The following STXBP6 variants were observed in gnomAD, a reference collection of about 807,000 sequenced individuals.
STXBP6 encodes the protein syntaxin binding protein 6.
A neutral mutation model predicts 26.9 loss-of-function variants in STXBP6; 21 were observed. The ratio of observed to expected loss-of-function variants is 0.78; its 90% CI spans 0.55 to 1.12. The LOEUF is 1.12. Among genes scored for constraint, STXBP6 ranks in the 50% most tolerant of loss-of-function variants. The probability of loss-of-function intolerance (pLI) is 0.00; values close to 1 mark genes in which losing one functional copy is unlikely to be tolerated. For missense variants in STXBP6, 232 were observed against 257.9 expected, an observed-to-expected ratio of 0.90 and a Z score of 0.69; for synonymous variants, 97 against 92.6, an observed-to-expected ratio of 1.05 and a Z score of -0.27.
intron 2 of STXBP6, among the ~76,000 whole-genome samples, chr14:24,922,104 C>A (rs775830633): frequency 2.0e-5 from 3 of 152,122 alleles, no homozygotes; most frequent in Non-Finnish European, 4.4e-5. Context: ...TCAGCAGCCA[C>A]TTCCCTAGAA....
intron 2 of STXBP6, among the ~76,000 whole-genome samples, chr14:24,947,613 T>C (rs2073033929): frequency 6.6e-6 from 1 of 152,184 alleles, no homozygotes; most frequent in African/African-American, 2.4e-5. Flanking sequence ...GCTTAGACAC[T>C]AAGCGTTCTT....
At chr14:24,971,557 C>G (rs964305581) in intron 2 of STXBP6, among the ~76,000 whole-genome samples, 1 of 148,190 alleles carries the variant, frequency 6.7e-6, no homozygotes, top group Non-Finnish European at 1.5e-5. Context: ...ACTTCACAGA[C>G]TCCTATGAGA....
At chr14:24,999,791 G>A (rs1396761056) in intron 1 of STXBP6, among the ~76,000 whole-genome samples, 3 of 152,180 alleles carry the variant, frequency 2.0e-5, no homozygotes, top group South Asian at 2.1e-4. Context: ...AAGCCCAGAG[G>A]GGAGACAAAA....
Position 25,049,518 on chromosome 14 carries a change from C to A in STXBP6, c.-33+360G>T, listed in dbSNP as rs551300732. The stretch of plus-strand genomic sequence containing the variant: ...GAGCCTCGGGGCAGCATTCTCGGGG[C>A]CCATGCCATCGCGGGGACGGTGCGG... On this transcript the variant is annotated intron_variant, in intron 1 of 5. Transcript: ENST00000323944. The surrounding 1 kb of genome is among the most constrained non-coding windows in gnomAD (Gnocchi z 5.6). 9 of 985,538 alleles carry A rather than the reference C, an allele frequency of 9.1e-6. No individual in the cohort carries two copies. The African/African-American group carries it at 1.6e-4, about 17-fold the overall frequency. 61.0% of individuals were successfully genotyped at this position (985,538 alleles called of 1,614,324 possible).
intron 2 of STXBP6, among the ~76,000 whole-genome samples, chr14:24,890,230 A>G (rs2070741496): frequency 6.6e-6 from 1 of 152,238 alleles, no homozygotes; most frequent in East Asian, 1.9e-4. Context: ...CAGAACAGAA[A>G]GAAGTAAAGT....
chr14:24,852,385 C>T (rs1293933010), intron 4 of STXBP6, among the ~76,000 whole-genome samples: 1 of 152,136 alleles, frequency 6.6e-6, no homozygotes, highest in Non-Finnish European at 1.5e-5. Flanking sequence ...CTTTGTAACA[C>T]TGACTTCCAT....
At chr14:24,991,669 G>A (rs1000066801) in intron 1 of STXBP6, among the ~76,000 whole-genome samples, 5 of 152,148 alleles carry the variant, frequency 3.3e-5, no homozygotes, top group Admixed American at 1.3e-4. Context: ...CCAATTCAAG[G>A]TTATGATTCC....
intron 4 of STXBP6, among the ~76,000 whole-genome samples, chr14:24,827,575 A>G (rs2068324377): frequency 6.6e-6 from 1 of 152,174 alleles, no homozygotes; most frequent in Admixed American, 6.5e-5. Flanking sequence ...ATGCTCATGG[A>G]ATCCAGGACA....
At chr14:25,028,438 A>G (rs1431553354) in intron 1 of STXBP6, among the ~76,000 whole-genome samples, 1 of 152,180 alleles carries the variant, frequency 6.6e-6, no homozygotes, top group Non-Finnish European at 1.5e-5. Context: ...CAAAGCCTAG[A>G]TGACACCACA....
chr14:24,845,731 G>GT (rs1158924473), intron 4 of STXBP6, among the ~76,000 whole-genome samples: 6 of 152,166 alleles, frequency 3.9e-5, no homozygotes, highest in African/African-American at 1.4e-4. Context: ...GCTGTGCATG[G>GT]TAAGAGGGAC....
chr14:24,872,739 T>C (rs2069983862), intron 2 of STXBP6, among the ~76,000 whole-genome samples: 1 of 152,208 alleles, frequency 6.6e-6, no homozygotes. Context: ...TAGATCCTTA[T>C]AGTTAGAACT....
At chr14:25,005,650 A>G (rs1278876895) in intron 1 of STXBP6, among the ~76,000 whole-genome samples, 2 of 152,246 alleles carry the variant, frequency 1.3e-5, no homozygotes, top group Non-Finnish European at 2.9e-5. Context: ...ACTTTTGTGG[A>G]GTCAAATTTG....
Position 24,819,609 on chromosome 14 carries a change from C to T in STXBP6, c.452-415G>A, listed in dbSNP as rs2068081962. ...TGGATCTTATGTTATTTCCTTTTGA[C>T]CTGTGGTTTCGGTGAATAACCATAG... On this transcript the variant is annotated intron_variant, in intron 4 of 5. Transcript: ENST00000323944. The T allele has an allele frequency of 1.1e-5, 4 of 371,564 alleles. No homozygotes were observed. In the East Asian group the frequency reaches 1.7e-4, roughly 16 times the overall value. 23.0% of individuals were successfully genotyped at this position (371,564 alleles called of 1,614,324 possible). A position where few individuals can be genotyped will look rare whatever the true frequency, so the allele number is the denominator to read the frequency against.
At chr14:24,918,477 C>G (rs1414324417) in intron 2 of STXBP6, among the ~76,000 whole-genome samples, 1 of 141,630 alleles carries the variant, frequency 7.1e-6, no homozygotes, top group Non-Finnish European at 1.5e-5. Flanking sequence ...CACACACACA[C>G]ACACACACAC....
chr14:24,959,865 A>G (rs961140273), intron 2 of STXBP6, among the ~76,000 whole-genome samples: 3 of 152,214 alleles, frequency 2.0e-5, no homozygotes, highest in African/African-American at 7.2e-5. Context: ...CCCTTTTTTA[A>G]ACAGTACAAA....
At chr14:24,902,489 G>T (rs1375845707) in intron 2 of STXBP6, among the ~76,000 whole-genome samples, 1 of 152,062 alleles carries the variant, frequency 6.6e-6, no homozygotes, top group Non-Finnish European at 1.5e-5. Context: ...TTATTATTTT[G>T]CCTACCATAG....
chr14:24,865,591 G>C (rs1418168994), intron 2 of STXBP6, among the ~76,000 whole-genome samples: 1 of 152,158 alleles, frequency 6.6e-6, no homozygotes, highest in African/African-American at 2.4e-5. Context: ...AAAATGAATA[G>C]AGGATACAGT....
intron 1 of STXBP6, among the ~76,000 whole-genome samples, chr14:24,978,651 C>G (rs2074111263): frequency 6.6e-6 from 1 of 152,178 alleles, no homozygotes; most frequent in Non-Finnish European, 1.5e-5. Flanking sequence ...AGAAACCAAC[C>G]TACAATATGA....
chr14:24,873,359 A>T (rs1478867215), intron 2 of STXBP6, among the ~76,000 whole-genome samples: 1 of 152,188 alleles, frequency 6.6e-6, no homozygotes, highest in Non-Finnish European at 1.5e-5. Context: ...AAGCCAGAAG[A>T]GCCAGGACAG....
Sources: gnomAD v4.1 joint callset for allele counts (sites outside exome capture counted in the v4.1 genomes callset) on GRCh38, gnomAD v4.1.1 for gene constraint, Gnocchi (gnomAD v3.1) non-coding constraint, MANE v1.5 for transcripts, NCBI Gene and HGNC (gene_info 2026-07-23, HGNC 2026-07-21) for gene names.